Variants in RAB2A observed in about 807,000 individuals in gnomAD.
RAB2A encodes the protein RAB2A, member RAS oncogene family.
A neutral mutation model predicts 32.5 loss-of-function variants in RAB2A; 7 were observed. The observed-to-expected ratio is 0.22, with a 90% CI of 0.12 to 0.40. The LOEUF (loss-of-function observed/expected upper bound fraction) is 0.40. Ranked by LOEUF, RAB2A falls within the 10% of genes least tolerant of loss-of-function variation. The pLI, the probability that RAB2A is intolerant of heterozygous loss-of-function variation, is 1.00. For missense variants in RAB2A, 108 were observed against 260.7 expected, an observed-to-expected ratio of 0.41 and a Z score of 4.03; for synonymous variants, 79 against 85.2, an observed-to-expected ratio of 0.93 and a Z score of 0.40.
intron 6 of RAB2A, among the ~76,000 whole-genome samples, chr8:60,613,364 T>C (rs115704786): frequency 0.011 from 1,741 of 152,320 alleles, 40 homozygotes; most frequent in African/African-American, 0.039. Flanking sequence ...AGCACGGTTT[T>C]CAGTGCTTTA....
intron 6 of RAB2A, among the ~76,000 whole-genome samples, chr8:60,597,357 A>G (rs1804046003): frequency 6.6e-6 from 1 of 152,004 alleles, no homozygotes; most frequent in Non-Finnish European, 1.5e-5. Context: ...AAAACCAAAC[A>G]CCGCATGTTC....
intron 5 of RAB2A, among the ~76,000 whole-genome samples, chr8:60,590,408 T>G (rs1354294747): frequency 1.3e-5 from 2 of 150,692 alleles, no homozygotes; most frequent in Non-Finnish European, 3.0e-5. Flanking sequence ...AAGGCCAAAG[T>G]GGGAGGATCA....
chr8:60,544,326 C>T (rs889792136), intron 1 of RAB2A, among the ~76,000 whole-genome samples: 1 of 96 alleles, frequency 0.01, no homozygotes, highest in African/African-American at 0.028. Flanking sequence ...AGGCGTGAGC[C>T]ACCACGCCCC....
At position 60,620,757 on chromosome 8, in the gene RAB2A, C is replaced by T. The variant is rs370628676; in HGVS notation, c.627C>T (p.Gly209=). 18 of 1,612,844 alleles carry T rather than the reference C, an allele frequency of 1.1e-5. No individual in the cohort carries two copies. Among genetic ancestry groups the T allele is most frequent in the East Asian group, 2.2e-5 (1 of 44,842 alleles). ...ATCAGGGAGGACAGCAGGCTGGGGG[C>T]GGCTGCTGTTGAGTCTGTTTTTACT... The part of the protein sequence containing the change: ...AGNQGGQQAG[G]GCC The change falls in exon 8 of 8, where the codon GGC becomes GGT. Residue 209 remains glycine (G), a synonymous_variant. Transcript: ENST00000262646.
chr8:60,575,294 C>A (rs1241785020), intron 3 of RAB2A, among the ~76,000 whole-genome samples: 1 of 151,830 alleles, frequency 6.6e-6, no homozygotes, highest in Non-Finnish European at 1.5e-5. Flanking sequence ...GAGATGGAGT[C>A]TTGTTATGTT....
intron 7 of RAB2A, among the ~76,000 whole-genome samples, chr8:60,620,123 C>T (rs1194718563): frequency 6.6e-6 from 1 of 152,200 alleles, no homozygotes; most frequent in Admixed American, 6.5e-5. Context: ...AGGTAAAATC[C>T]ACTTGAGGGA....
At chr8:60,600,716 A>G (rs1004280203) in intron 6 of RAB2A, among the ~76,000 whole-genome samples, 3 of 152,192 alleles carry the variant, frequency 2.0e-5, no homozygotes, top group Non-Finnish European at 2.9e-5. Context: ...CATCTATACC[A>G]TGGAATACTA....
intron 6 of RAB2A, among the ~76,000 whole-genome samples, chr8:60,611,703 T>A (rs1356073224): frequency 6.6e-6 from 1 of 152,208 alleles, no homozygotes; most frequent in Non-Finnish European, 1.5e-5. Context: ...ATTCTTTTTT[T>A]AATTGAAAAC....
chr8:60,548,997 G>C (rs1473416968), intron 1 of RAB2A, among the ~76,000 whole-genome samples: 2 of 145,584 alleles, frequency 1.4e-5, no homozygotes, highest in Non-Finnish European at 3.0e-5. Flanking sequence ...CTCACATCCC[G>C]GACGGGGCGG....
chr8:60,530,374 G>C (rs1222938114), intron 1 of RAB2A, among the ~76,000 whole-genome samples: 1 of 151,964 alleles, frequency 6.6e-6, no homozygotes, highest in Non-Finnish European at 1.5e-5. Flanking sequence ...TCAAACTCCT[G>C]ACCTCATGTG....
chr8:60,522,613 A>G (rs1458126860), intron 1 of RAB2A, among the ~76,000 whole-genome samples: 2 of 152,186 alleles, frequency 1.3e-5, no homozygotes, highest in African/African-American at 4.8e-5. Flanking sequence ...TGCATGGGTT[A>G]TTTTATTGAA....
intron 6 of RAB2A, among the ~76,000 whole-genome samples, chr8:60,601,397 G>T (rs1804133137): frequency 6.6e-6 from 1 of 151,814 alleles, no homozygotes; most frequent in Non-Finnish European, 1.5e-5. Context: ...GAATGCATTG[G>T]CACAATCTCA....
chr8:60,563,803 CT>C (rs1222414163), intron 2 of RAB2A, among the ~76,000 whole-genome samples: 3 of 152,184 alleles, frequency 2.0e-5, no homozygotes, highest in African/African-American at 7.2e-5. Context: ...TCTTTTCACT[CT>C]CATCTCTCTT....
intron 5 of RAB2A, among the ~76,000 whole-genome samples, chr8:60,585,437 A>G (rs539472983): frequency 6.6e-6 from 1 of 152,120 alleles, no homozygotes; most frequent in East Asian, 1.9e-4. Context: ...CTCAGCCTCC[A>G]AAGTGGCTGA....
At chr8:60,551,754 C>G (rs959861917) in intron 1 of RAB2A, among the ~76,000 whole-genome samples, 2 of 152,024 alleles carry the variant, frequency 1.3e-5, no homozygotes, top group African/African-American at 4.8e-5. Flanking sequence ...AATACAATGG[C>G]TCAGTCATAG....
chr8:60,592,962 G>T (rs940367964), intron 6 of RAB2A, among the ~76,000 whole-genome samples: 2 of 152,210 alleles, frequency 1.3e-5, no homozygotes, highest in Admixed American at 6.5e-5. Context: ...CTGCCGTAAG[G>T]ATAACAGAGG....
At chr8:60,566,205 A>G (rs1250782159) in intron 2 of RAB2A, among the ~76,000 whole-genome samples, 2 of 152,148 alleles carry the variant, frequency 1.3e-5, no homozygotes, top group Non-Finnish European at 2.9e-5. Context: ...CACACACACA[A>G]AGCTGTTCTA....
intron 1 of RAB2A, among the ~76,000 whole-genome samples, chr8:60,534,836 T>A (rs1427267352): frequency 6.6e-6 from 1 of 152,158 alleles, no homozygotes; most frequent in African/African-American, 2.4e-5. Flanking sequence ...CTTATTCCCT[T>A]CCCCATTCTC....
At chr8:60,558,822 G>T (rs1563469650) in intron 1 of RAB2A, 30 bp from the exon 2 acceptor site, 4 of 1,559,776 alleles carry the variant, frequency 2.6e-6, no homozygotes, top group Admixed American at 1.7e-5. Context: ...TGTGAATTTT[G>T]TCTCTTATTT....
Sources: gnomAD v4.1 joint callset for allele counts (sites outside exome capture counted in the v4.1 genomes callset) on GRCh38, gnomAD v4.1.1 for gene constraint, MANE v1.5 for transcripts, NCBI Gene and HGNC (gene_info 2026-07-23, HGNC 2026-07-21) for gene names.